The following PTCH1 variants were observed in gnomAD, a reference collection of about 807,000 sequenced individuals.
PTCH1 encodes patched 1.
Under a neutral mutation model 144.6 loss-of-function variants are expected in PTCH1, and 14 were observed. The ratio of observed to expected loss-of-function variants is 0.10; its 90% CI spans 0.06 to 0.15. The LOEUF is 0.15. Ranked by LOEUF, PTCH1 falls within the 10% of genes least tolerant of loss-of-function variation. The pLI is 1.00. For missense variants in PTCH1, 1,623 were observed against 1,948.3 expected (o/e 0.83, Z 3.14); for synonymous variants, 833 against 793.6 (o/e 1.05, Z -0.83).
Position 95,476,879 on chromosome 9 carries a change from G to C in PTCH1, c.1504-22C>G, listed in dbSNP as rs189171519. 104 of 1,605,510 alleles carry C rather than the reference G, an allele frequency of 6.5e-5. No homozygotes were observed. Among genetic ancestry groups the C allele is most frequent in the Non-Finnish European group, 8.6e-5 (101 of 1,173,048 alleles). On this transcript the variant is annotated intron_variant, in intron 10 of 23. Coordinates refer to ENST00000331920, the MANE Select transcript of PTCH1 (RefSeq NM_000264.5). This position sits in a 1 kb window ranked among gnomAD's most constrained non-coding sequence, Gnocchi z 4.6. Reference sequence around the variant, plus strand: ...AAACCTACAGCAAAAACAGAGGATGGTGGCATTAGACATGCGAGATGCAAT... The same window carrying C: ...AAACCTACAGCAAAAACAGAGGATGCTGGCATTAGACATGCGAGATGCAAT...
intron 2 of PTCH1, among the ~76,000 whole-genome samples, chr9:95,488,040 G>A (rs1269023344): frequency 1.3e-5 from 2 of 152,228 alleles, no homozygotes; most frequent in East Asian, 3.9e-4. Flanking sequence ...GCACAAAAAT[G>A]GCAAAACCAA....
chr9:95,507,916 A>G (rs1469618739), intron 1 of PTCH1: 5 of 1,386,110 alleles, frequency 3.6e-6, no homozygotes, highest in Non-Finnish European at 3.8e-6. Flanking sequence ...ACACACACAC[A>G]CACGCACACA....
chr9:95,474,125 G>T (rs758043751), intron 12 of PTCH1: 1 of 492,868 alleles, frequency 2.0e-6, no homozygotes, highest in Non-Finnish European at 4.0e-6. Context: ...AGTCGGCCTC[G>T]ATGAGCCATC....
chr9:95,488,141 A>C (rs1319370314), intron 2 of PTCH1, among the ~76,000 whole-genome samples: 1 of 152,236 alleles, frequency 6.6e-6, no homozygotes, highest in Non-Finnish European at 1.5e-5. Flanking sequence ...GGTGTTTCAG[A>C]AATGGCATTT....
chr9:95,463,251 C>T (rs897911236), intron 15 of PTCH1, among the ~76,000 whole-genome samples: 3 of 151,926 alleles, frequency 2.0e-5, no homozygotes, highest in Non-Finnish European at 4.4e-5. Context: ...GGAGCACAGG[C>T]CCCCTTCTGT....
intron 10 of PTCH1, among the ~76,000 whole-genome samples, chr9:95,477,172 C>T (rs972096041): frequency 6.6e-6 from 1 of 152,198 alleles, no homozygotes; most frequent in African/African-American, 2.4e-5. Flanking sequence ...CCCTGAAGTG[C>T]ACATTCTCAG....
At chr9:95,450,087 T>G in intron 20 of PTCH1, 147 bp from the exon 21 acceptor site, 1 of 751,822 alleles carries the variant, frequency 1.3e-6, no homozygotes, top group South Asian at 1.5e-5. Flanking sequence ...CAGTTCACAT[T>G]CAACACAAGG....
intron 2 of PTCH1, among the ~76,000 whole-genome samples, chr9:95,487,536 C>G (rs535476392): frequency 6.6e-6 from 1 of 152,158 alleles, no homozygotes; most frequent in African/African-American, 2.4e-5. Flanking sequence ...CTTAACACCA[C>G]GCAGACTTCC....
chr9:95,475,304 G>C (rs1840928056), intron 12 of PTCH1, among the ~76,000 whole-genome samples: 1 of 152,116 alleles, frequency 6.6e-6, no homozygotes, highest in Non-Finnish European at 1.5e-5. Flanking sequence ...GACGGGGCCT[G>C]GTCTGGAAGG....
At chr9:95,478,209 A>G in intron 8 of PTCH1, 23 bp from the exon 9 acceptor site, 1 of 1,614,102 alleles carries the variant, frequency 6.2e-7, no homozygotes, top group South Asian at 1.1e-5. Context: ...CAGAATGCGA[A>G]ATGCCCAAAT....
In PTCH1 at chr9:95,477,555, T is replaced by C; in HGVS notation, c.1495A>G (p.Thr499Ala). 6.2e-7 allele frequency: 1 copy of C among 1,614,180 alleles called. No homozygotes were observed. The highest frequency in any genetic ancestry group is 1.7e-5 in the Admixed American group (1 of 60,014). Reference protein sequence around the residue: ...SLIGISFNAATTQVLPFLALG... With the variant: ...SLIGISFNAAATQVLPFLALG... The stretch of plus-strand genomic sequence containing the variant: ...AATGGCTCCTTTAGTACCTGAGTTG[T>C]TGCAGCGTTAAAGGAAATTCCGATC... Residue 499 changes from threonine to alanine, a missense_variant, in exon 10 of 24, where the codon ACA (threonine) becomes GCA (alanine). Coordinates refer to ENST00000331920, the MANE Select transcript of PTCH1 (RefSeq NM_000264.5).
At position 95,460,408 on chromosome 9, in the gene PTCH1, G is replaced by A. The variant is rs540402816; in HGVS notation, c.2704-625C>T. Among the ~76,000 whole-genome samples the A allele has an allele frequency of 4.6e-5, 7 of 152,294 alleles. No homozygotes were observed. The South Asian group carries it at 1.5e-3, about 32-fold the overall frequency. ...CGTGGCCAAATGTGCTCCCTCGGCA[G>A]GAGGGCTTGTGGGCTTTGCTGAGGT... On this transcript the variant is annotated intron_variant, in intron 16 of 23. Transcript: ENST00000331920.
rs1843909922 is a variant in PTCH1, at chr9:95,508,315, C to T, written c.47G>A (p.Gly16Asp). The change falls in exon 1 of 24, where the codon GGC (glycine) becomes GAC (aspartate). Residue 16 changes from glycine to aspartate, a missense_variant. This residue lies in a region of PTCH1 where 245 missense variants were observed against 240.6 expected (regional missense o/e 1.02). Transcript: ENST00000331920. ...NAAEPQDRGG[G>D]GSGCIGAPGR... ...CGGGGCACCGATACAGCCGCTGCCG[C>T]CGCCGCCGCGGTCCTGGGGCTCGGC... is the stretch of plus-strand genomic sequence containing the variant. 1 of 1,388,738 alleles carries T rather than the reference C, an allele frequency of 7.2e-7. No homozygotes were observed. Among genetic ancestry groups the T allele is most frequent in the Non-Finnish European group, 9.3e-7 (1 of 1,077,274 alleles). 86.0% of individuals were successfully genotyped at this position (1,388,738 alleles called of 1,614,324 possible).
chr9:95,480,626 C>A (rs1378722509), intron 5 of PTCH1, 38 bp from the exon 6 acceptor site: 1 of 1,586,338 alleles, frequency 6.3e-7, no homozygotes, highest in Non-Finnish European at 8.7e-7. Flanking sequence ...ATGAAAAGAG[C>A]CTTCTAAACG....
At position 95,446,963 on chromosome 9, in the gene PTCH1, C is replaced by G. The variant is rs1837957227; in HGVS notation, c.4293G>C (p.Glu1431Asp). The G allele has an allele frequency of 6.2e-7, 1 of 1,614,240 alleles. No homozygotes were observed. The highest frequency in any genetic ancestry group is 1.1e-5 in the South Asian group (1 of 91,090). Reference sequence around the variant, plus strand: ...TCTCCTCGCATTCCACGTCCTGCAGCTCAATGACTTCCACCTTCGAATCCC... The same window carrying G: ...TCTCCTCGCATTCCACGTCCTGCAGGTCAATGACTTCCACCTTCGAATCCC... ...ERRDSKVEVI[E>D]LQDVECEERP... The change falls in exon 23 of 24, where the codon GAG (glutamate) becomes GAC (aspartate). Residue 1431 changes from glutamate (E) to aspartate (D), a missense_variant. Glu to Asp is a conservative substitution (Grantham distance 45). Around this residue, in one of 7 missense-constraint regions of PTCH1, gnomAD observed 291 missense variants for 287.4 expected, o/e 1.01. Transcript: ENST00000331920.
intron 20 of PTCH1, chr9:95,453,077 T>A: frequency 3.1e-6 from 1 of 326,208 alleles, no homozygotes; most frequent in South Asian, 2.6e-5. Flanking sequence ...GATGACGAGG[T>A]GCTGCAATCT....
intron 2 of PTCH1, among the ~76,000 whole-genome samples, chr9:95,489,818 T>G (rs1842241825): frequency 6.7e-6 from 1 of 148,250 alleles, no homozygotes; most frequent in African/African-American, 2.5e-5. Flanking sequence ...TTTTTTTTTT[T>G]GTGACGGAGT....
upstream of PTCH1, among the ~76,000 whole-genome samples, chr9:95,513,690 A>C (rs939636124): frequency 6.6e-6 from 1 of 152,136 alleles, no homozygotes; most frequent in African/African-American, 2.4e-5. Flanking sequence ...GATGGTAGAA[A>C]ATGAGTCTAA....
At chr9:95,453,344 T>C (rs1838634825) in intron 20 of PTCH1, 134 bp downstream of exon 20, 2 of 1,322,818 alleles carry the variant, frequency 1.5e-6, no homozygotes, top group East Asian at 4.7e-5. Flanking sequence ...TTGGCCAGGC[T>C]GGTCTTGAAC....
Sources: allele counts gnomAD v4.1 joint callset (sites outside exome capture counted in the v4.1 genomes callset), GRCh38; gene constraint gnomAD v4.1.1; regional missense constraint gnomAD v4.1.1; non-coding constraint Gnocchi (gnomAD v3.1); transcripts MANE v1.5; gene names NCBI Gene and HGNC (gene_info 2026-07-23, HGNC 2026-07-21).